Variants in NSUN3 observed in about 807,000 individuals in gnomAD.
NSUN3 encodes the protein tRNA (cytosine(34)-C(5))-methyltransferase, mitochondrial.
NSUN3 carries 24 observed loss-of-function variants against 36.8 expected under a neutral mutation model. The observed-to-expected ratio is 0.65, with a 90% CI of 0.47 to 0.92. The LOEUF (loss-of-function observed/expected upper bound fraction) is 0.92, where lower values mean the gene tolerates loss of function less well. NSUN3 is among the 40% of genes least tolerant of loss of function. NSUN3 has a pLI of 0.00. For missense variants in NSUN3, 381 were observed against 392.8 expected, an observed-to-expected ratio of 0.97 and a Z score of 0.25; for synonymous variants, 146 against 145.2, an observed-to-expected ratio of 1.01 and a Z score of -0.04.
At chr3:94,076,846 A>G in intron 2 of NSUN3, 6 of 1,578,232 alleles carry the variant, frequency 3.8e-6, no homozygotes, top group Non-Finnish European at 5.2e-6. Context: ...CACTAACTGA[A>G]CCAAAACCTC....
intron 5 of NSUN3, among the ~76,000 whole-genome samples, chr3:94,113,674 G>A (rs2077427848): frequency 6.6e-6 from 1 of 152,160 alleles, no homozygotes; most frequent in Non-Finnish European, 1.5e-5. Flanking sequence ...CTGAAAATAG[G>A]CTTTTTAATA....
intron 5 of NSUN3, among the ~76,000 whole-genome samples, chr3:94,103,165 G>A (rs541903271): frequency 6.6e-6 from 1 of 152,110 alleles, no homozygotes; most frequent in Non-Finnish European, 1.5e-5. Context: ...GGGATTGCAG[G>A]CATGAGCCAC....
chr3:94,072,546 G>T (rs6414259), intron 2 of NSUN3, among the ~76,000 whole-genome samples: 151,354 of 152,232 alleles, frequency 0.99, 75,242 homozygotes, highest in Middle Eastern at 1. Flanking sequence ...GTTGGAGAGA[G>T]AAAACTCCCT....
chr3:94,100,034 T>A (rs992160318), intron 5 of NSUN3, among the ~76,000 whole-genome samples: 8 of 152,158 alleles, frequency 5.3e-5, no homozygotes, highest in African/African-American at 1.9e-4. Flanking sequence ...TGAGTTTCAT[T>A]CATATGAAGG....
chr3:94,091,523 G>T (rs753346045), intron 3 of NSUN3, among the ~76,000 whole-genome samples: 1 of 152,114 alleles, frequency 6.6e-6, no homozygotes, highest in African/African-American at 2.4e-5. Context: ...ATGTTTTGTG[G>T]TGTCCAAAAA....
At chr3:94,112,576 C>A (rs2077422218) in intron 5 of NSUN3, among the ~76,000 whole-genome samples, 2 of 152,216 alleles carry the variant, frequency 1.3e-5, no homozygotes, top group Non-Finnish European at 2.9e-5. Flanking sequence ...TTCAACCTCA[C>A]AATCCAGGGT....
chr3:94,090,560 G>C (rs1001461128), intron 3 of NSUN3, among the ~76,000 whole-genome samples: 6 of 152,178 alleles, frequency 3.9e-5, no homozygotes, highest in African/African-American at 1.4e-4. Flanking sequence ...GATGGTATGT[G>C]TATAGAGGTA....
chr3:94,129,526 A>G lies in NSUN3; in HGVS notation c.*3036A>G, dbSNP rs1226046877. On this transcript the variant is annotated 3_prime_UTR_variant, in exon 6 of 6. Transcript: ENST00000314622. ...GGGAGGAGGGGGATGTAGGCTGAAA[A>G]ACTACCTATTGGGTACTGCACTCAC... 6.6e-6 allele frequency among the ~76,000 whole-genome samples: 1 copy of G among 151,976 alleles called. No homozygotes were observed. The highest frequency in any genetic ancestry group is 1.5e-5 in the Non-Finnish European group (1 of 68,010).
chr3:94,088,566 A>G (rs1301522677), intron 3 of NSUN3, among the ~76,000 whole-genome samples: 2 of 151,788 alleles, frequency 1.3e-5, no homozygotes, highest in South Asian at 2.1e-4. Flanking sequence ...TCAAGTTTTC[A>G]TTGTTGTAGT....
intron 5 of NSUN3, among the ~76,000 whole-genome samples, chr3:94,123,262 G>A (rs1237813147): frequency 2.6e-5 from 4 of 152,068 alleles, no homozygotes; most frequent in African/African-American, 9.7e-5. Context: ...CTTCTATGTT[G>A]CATGCACTCT....
chr3:94,102,213 A>C (rs2077368738), intron 5 of NSUN3, among the ~76,000 whole-genome samples: 1 of 151,080 alleles, frequency 6.6e-6, no homozygotes, highest in Admixed American at 6.6e-5. Context: ...AAAAAAAAAA[A>C]AAAAAAAAAA....
intron 5 of NSUN3, among the ~76,000 whole-genome samples, chr3:94,096,664 A>C (rs2077341887): frequency 6.6e-6 from 1 of 151,956 alleles, no homozygotes; most frequent in Non-Finnish European, 1.5e-5. Flanking sequence ...ATGCCTGGCT[A>C]ATTTTTGTAT....
chr3:94,065,222 G>A (rs1443309107), intron 2 of NSUN3, among the ~76,000 whole-genome samples: 1 of 152,174 alleles, frequency 6.6e-6, no homozygotes, highest in Non-Finnish European at 1.5e-5. Flanking sequence ...CGTCTAGTTA[G>A]TGTTAATGGG....
chr3:94,083,144 G>T (rs2077277480), intron 2 of NSUN3, among the ~76,000 whole-genome samples: 1 of 150,886 alleles, frequency 6.6e-6, no homozygotes. Context: ...TGCAGGGAGG[G>T]ACTAAGCTGA....
chr3:94,082,521 G>A (rs570072896), intron 2 of NSUN3, among the ~76,000 whole-genome samples: 21 of 152,254 alleles, frequency 1.4e-4, no homozygotes, highest in South Asian at 8.3e-4. Flanking sequence ...GCAGTTTCAC[G>A]TATTAGCCCT....
At position 94,094,244 on chromosome 3, in the gene NSUN3, G is replaced by C. The variant is rs758683930; in HGVS notation, c.571G>C (p.Glu191Gln). ...TTTGATAAATGTAATTAAAGTGTCTGAATTGGATGGCAGAAAAATGGGAGA... is the reference window on the plus strand; with the variant it reads ...TTTGATAAATGTAATTAAAGTGTCTCAATTGGATGGCAGAAAAATGGGAGA... ...QPLINVIKVS[E>Q]LDGRKMGDAQ... The change falls in exon 4 of 6, where the codon GAA (glutamate) becomes CAA (glutamine). Residue 191 changes from glutamate to glutamine, a missense_variant. Transcript: ENST00000314622. 15 of 1,613,626 alleles carry C rather than the reference G, an allele frequency of 9.3e-6. No homozygotes were observed. In the Admixed American group the frequency reaches 2.2e-4, roughly 23 times the overall value.
chr3:94,109,169 C>G (rs553959018), intron 5 of NSUN3, among the ~76,000 whole-genome samples: 1 of 152,192 alleles, frequency 6.6e-6, no homozygotes, highest in South Asian at 2.1e-4. Context: ...GTGAAGAGAC[C>G]ATTTTTATTC....
intron 5 of NSUN3, among the ~76,000 whole-genome samples, chr3:94,101,479 T>C (rs1180105761): frequency 6.6e-6 from 1 of 152,100 alleles, no homozygotes; most frequent in Admixed American, 6.6e-5. Flanking sequence ...CTCAAAACAA[T>C]ATGAGTTCTT....
At chr3:94,117,605 G>T (rs2077445878) in intron 5 of NSUN3, among the ~76,000 whole-genome samples, 1 of 152,160 alleles carries the variant, frequency 6.6e-6, no homozygotes, top group Non-Finnish European at 1.5e-5. Context: ...TTGTATACCT[G>T]ATATCTGCCA....
Sources: gnomAD v4.1 joint callset for allele counts (sites outside exome capture counted in the v4.1 genomes callset) on GRCh38, gnomAD v4.1.1 for gene constraint, MANE v1.5 for transcripts, NCBI Gene and HGNC (gene_info 2026-07-23, HGNC 2026-07-21) for gene names.